Variants in PGGHG observed in about 807,000 individuals in gnomAD.
The protein encoded by PGGHG is protein-glucosylgalactosylhydroxylysine glucosidase, also known as ATH1, acid trehalase-like 1.
In PGGHG, 67 loss-of-function variants were observed where a neutral mutation model predicts 74.5. The observed-to-expected ratio is 0.90, with a 90% CI of 0.74 to 1.10. The LOEUF (loss-of-function observed/expected upper bound fraction) is 1.10, where lower values mean the gene tolerates loss of function less well. PGGHG is among the 50% of genes least tolerant of loss of function. The pLI, the probability that PGGHG is intolerant of heterozygous loss-of-function variation, is 0.00. For missense variants in PGGHG, 1,034 were observed against 981.5 expected (o/e 1.05, Z -0.72); for synonymous variants, 496 against 419.9 (o/e 1.18, Z -2.21).
rs1845828040 is a variant in PGGHG, at chr11:294,668, C to A, written c.2133C>A (p.Asp711Glu). 3 of 1,613,706 alleles carry A rather than the reference C, an allele frequency of 1.9e-6. No individual in the cohort carries two copies. The highest frequency in any genetic ancestry group is 2.5e-6 in the Non-Finnish European group (3 of 1,179,974). Residue 711 changes from aspartate (D) to glutamate (E), a missense_variant, in exon 14 of 14, where the codon GAC (aspartate) becomes GAA (glutamate). Transcript: ENST00000409548. The stretch of plus-strand genomic sequence containing the variant: ...GGAGGACTTTTTCAGATGTTAGGGA[C>A]CCGCTCCAGAGCCCCCTCTGGGTCA... ...FPGRTFSDVR[D>E]PLQSPLWVTL...
chr11:289,960 G>A lies in PGGHG; in HGVS notation c.144G>A (p.Gly48=), dbSNP rs1845665412. 1 of 1,550,408 alleles carries A rather than the reference G, an allele frequency of 6.4e-7. No homozygotes were observed. The highest frequency in any genetic ancestry group is 1.2e-5 in the South Asian group (1 of 84,064). Residue 48 remains glycine, a synonymous_variant, in exon 2 of 14, where the codon GGG becomes GGA. Transcript: ENST00000409548. This position sits in a 1 kb window ranked among gnomAD's most constrained non-coding sequence, Gnocchi z 5.6. The part of the protein sequence containing the change: ...DTLHVSGVYN[G]AGGDTHRAML... ...TGCACGTGAGCGGCGTGTACAATGGGGCTGGCGGGGACACGCACCGGGCCA... is the reference window on the plus strand; with the variant it reads ...TGCACGTGAGCGGCGTGTACAATGGAGCTGGCGGGGACACGCACCGGGCCA...
chr11:294,120 G>C lies in PGGHG; in HGVS notation c.1732G>C (p.Gly578Arg), dbSNP rs146423793. 6.2e-7 allele frequency: 1 copy of C among 1,611,476 alleles called. No individual in the cohort carries two copies. Among genetic ancestry groups the C allele is most frequent in the Admixed American group, 1.7e-5 (1 of 59,692 alleles). The change falls in exon 12 of 14, where the codon GGG becomes CGG. Residue 578 changes from glycine (G) to arginine (R), a missense_variant. Coordinates refer to ENST00000409548, the MANE Select transcript of PGGHG (RefSeq NM_025092.5). Reference sequence around the variant, plus strand: ...GCAGGTGTGGACGGAGAATGCAGACGGGTCAGGCGCTGTGAACTTCCTGAC... The same window carrying C: ...GCAGGTGTGGACGGAGAATGCAGACCGGTCAGGCGCTGTGAACTTCCTGAC... The part of the protein sequence containing the change: ...PFKVWTENAD[G>R]SGAVNFLTGM...
At position 290,438 on chromosome 11, in the gene PGGHG, G is replaced by C. The variant is rs776542685; in HGVS notation, c.308G>C (p.Cys103Ser). ...GGCCCCCGCTTCCGGGCCTCCCAGT[G>C]CATCTATGCGCATCGCACGCTGCCC... ...LEGPRFRASQ[C>S]IYAHRTLPHV... Residue 103 changes from cysteine (C) to serine (S), a missense_variant, in exon 3 of 14, where the codon TGC (cysteine) becomes TCC (serine). Physicochemically the swap from Cys to Ser is moderately radical, Grantham distance 112. Coordinates refer to ENST00000409548, the MANE Select transcript of PGGHG (RefSeq NM_025092.5). The C allele has an allele frequency of 1.6e-4, 250 of 1,548,936 alleles. No individual in the cohort carries two copies. Among genetic ancestry groups the C allele is most frequent in the Admixed American group, 3.5e-4 (18 of 51,008 alleles).
In PGGHG at chr11:294,962, C is replaced by T. The variant is rs1266012294; in HGVS notation, c.*213C>T. Reference sequence around the variant, plus strand: ...GCAGGTGGCTTCCCCGTGGCATCTCCACACCGCCTCTGCCTGCCCCTGTGG... The same window carrying T: ...GCAGGTGGCTTCCCCGTGGCATCTCTACACCGCCTCTGCCTGCCCCTGTGG... On this transcript the variant is annotated 3_prime_UTR_variant, in exon 14 of 14. Coordinates refer to ENST00000409548, the MANE Select transcript of PGGHG (RefSeq NM_025092.5). 1 of 542,608 alleles carries T rather than the reference C, an allele frequency of 1.8e-6. No homozygotes were observed. Among genetic ancestry groups the T allele is most frequent in the Non-Finnish European group, 3.2e-6 (1 of 314,656 alleles). 33.6% of individuals were successfully genotyped at this position (542,608 alleles called of 1,614,324 possible).
rs140256419 is a variant in PGGHG, at chr11:290,901, G to A, written c.694G>A (p.Ala232Thr). The A allele has an allele frequency of 8.4e-5, 135 of 1,611,866 alleles. No homozygotes were observed. In the African/African-American group the frequency reaches 1.1e-3, roughly 13 times the overall value. Reference sequence around the variant, plus strand: ...CAGGGGAGCTCTGTATACGGCTCACGCACAGGCCTGGGCCCAGCTCTGGGT... The same window carrying A: ...CAGGGGAGCTCTGTATACGGCTCACACACAGGCCTGGGCCCAGCTCTGGGT... Reference protein sequence around the residue: ...QARGALYTAHAQAWAQLWVEC... With the variant: ...QARGALYTAHTQAWAQLWVEC... The change falls in exon 4 of 14, where the codon GCA becomes ACA. Residue 232 changes from alanine (A) to threonine (T), a missense_variant. By Grantham distance (58) the Ala-to-Thr change is moderately conservative (BLOSUM62 0). Transcript: ENST00000409548.
chr11:289,912 C>T lies in PGGHG; in HGVS notation c.96C>T (p.Gly32=). The T allele has an allele frequency of 1.3e-6, 2 of 1,551,074 alleles. No individual in the cohort carries two copies. Among genetic ancestry groups the T allele is most frequent in the Non-Finnish European group, 1.7e-6 (2 of 1,146,924 alleles). Residue 32 remains glycine, a synonymous_variant, in exon 2 of 14, where the codon GGC becomes GGT. Transcript: ENST00000409548. The surrounding 1 kb of genome is among the most constrained non-coding windows in gnomAD (Gnocchi z 5.6). Reference sequence around the variant, plus strand: ...CCACTGTGACCAACGCATACCTGGGCACACGAGTGTTTCACGACACGCTGC... The same window carrying T: ...CCACTGTGACCAACGCATACCTGGGTACACGAGTGTTTCACGACACGCTGC... ...LLATVTNAYL[G]TRVFHDTLHV... is the part of the protein sequence containing the mutation.
At chr11:290,219 C>G in intron 2 of PGGHG, 144 bp downstream of exon 2, 1 of 1,373,378 alleles carries the variant, frequency 7.3e-7, no homozygotes, top group Non-Finnish European at 9.6e-7. Flanking sequence ...CCCGCAGGGT[C>G]CCCCCTTCCC....
chr11:290,630 G>A (rs1331375672), intron 3 of PGGHG, 30 bp downstream of exon 3: 1 of 1,601,920 alleles, frequency 6.2e-7, no homozygotes, highest in African/African-American at 1.3e-5. Context: ...TGCAGCCAGG[G>A]AGTCCAGGGA....
In PGGHG at chr11:294,751, C is replaced by G; in HGVS notation, c.*2C>G. 1 of 1,588,980 alleles carries G rather than the reference C, an allele frequency of 6.3e-7. No homozygotes were observed. On this transcript the variant is annotated 3_prime_UTR_variant, in exon 14 of 14. Transcript: ENST00000409548. ...ACTGTGGACCCTGCCTCTGAATAATCAGGAACGGTGGCTTCAGAGACGTCT... is the reference window on the plus strand; with the variant it reads ...ACTGTGGACCCTGCCTCTGAATAATGAGGAACGGTGGCTTCAGAGACGTCT...
chr11:290,437 T>C lies in PGGHG; in HGVS notation c.307T>C (p.Cys103Arg). ...GGGCCCCCGCTTCCGGGCCTCCCAG[T>C]GCATCTATGCGCATCGCACGCTGCC... ...LEGPRFRASQ[C>R]IYAHRTLPHV... The change falls in exon 3 of 14, where the codon TGC (cysteine) becomes CGC (arginine). Residue 103 changes from cysteine to arginine, a missense_variant. Coordinates refer to ENST00000409548, the MANE Select transcript of PGGHG (RefSeq NM_025092.5). 6.5e-7 allele frequency: 1 copy of C among 1,548,962 alleles called. No homozygotes were observed. The highest frequency in any genetic ancestry group is 8.7e-7 in the Non-Finnish European group (1 of 1,146,912).
intron 6 of PGGHG, 90 bp downstream of exon 6, chr11:292,767 C>T: frequency 6.2e-7 from 1 of 1,607,244 alleles, no homozygotes; most frequent in Non-Finnish European, 8.5e-7. Flanking sequence ...TGGGGCTGGT[C>T]CTGGGAAGCT....
Position 290,414 on chromosome 11 carries a change from G to A in PGGHG, c.284G>A (p.Gly95Asp), listed in dbSNP as rs905834969. 56 of 1,546,756 alleles carry A rather than the reference G, an allele frequency of 3.6e-5. No individual in the cohort carries two copies. In the Admixed American group the frequency reaches 1.0e-3, roughly 28 times the overall value. ...GGCTCCTTTCTTCACACCCTGGAGG[G>A]CCCCCGCTTCCGGGCCTCCCAGTGC... is the stretch of plus-strand genomic sequence containing the variant. Reference protein sequence around the residue: ...NTGSFLHTLEGPRFRASQCIY... With the variant: ...NTGSFLHTLEDPRFRASQCIY... The change falls in exon 3 of 14, where the codon GGC (glycine) becomes GAC (aspartate). Residue 95 changes from glycine (G) to aspartate (D), a missense_variant. Transcript: ENST00000409548.
chr11:292,228 GC>G, intron 5 of PGGHG, 133 bp downstream of exon 5: 1 of 1,307,644 alleles, frequency 7.6e-7, no homozygotes, highest in Non-Finnish European at 1.0e-6. Flanking sequence ...CCACCCTGAG[GC>G]TTGTGGGGCC....
At chr11:292,853 G>T in intron 6 of PGGHG, 33 bp from the exon 7 acceptor site, 4 of 1,613,326 alleles carry the variant, frequency 2.5e-6, no homozygotes, top group East Asian at 4.5e-5. Flanking sequence ...AGTGACTGGG[G>T]CCCTGGCCTC....
rs1055049028 is a variant in PGGHG, at chr11:294,633, G to A, written c.2098G>A (p.Glu700Lys). 6 of 1,522,588 alleles carry A rather than the reference G, an allele frequency of 3.9e-6. No homozygotes were observed. The highest frequency in any genetic ancestry group is 1.5e-5 in the African/African-American group (1 of 64,948). The allele number at this position is 1,522,588 out of a possible 1,614,324, so 94.3% of individuals were successfully genotyped here. ...PPKLPGSSSS[E>K]FPGRTFSDVR... ...GAAGCTGCCTGGAAGTTCCAGCTCCGAGTTCCCTGGGAGGACTTTTTCAGA... is the reference window on the plus strand; with the variant it reads ...GAAGCTGCCTGGAAGTTCCAGCTCCAAGTTCCCTGGGAGGACTTTTTCAGA... The change falls in exon 14 of 14, where the codon GAG becomes AAG. Residue 700 changes from glutamate (E) to lysine (K), a missense_variant. Physicochemically the swap from Glu to Lys is moderately conservative, Grantham distance 56 (BLOSUM62 1). Coordinates refer to ENST00000409548, the MANE Select transcript of PGGHG (RefSeq NM_025092.5).
At position 294,376 on chromosome 11, in the gene PGGHG, G is replaced by T. The variant is rs139322535; in HGVS notation, c.1918G>T (p.Glu640Ter). 1 of 1,613,016 alleles carries T rather than the reference G, an allele frequency of 6.2e-7. No homozygotes were observed. Among genetic ancestry groups the T allele is most frequent in the South Asian group, 1.1e-5 (1 of 91,070 alleles). ...GAACAAGCTCAACTTCTCTTTTTCC[G>T]AGGACTCCGTGACCGTGGAGGTCAC... ...QGNKLNFSFS[E>*]DSVTVEVTAR... The change falls in exon 13 of 14, where the codon GAG becomes TAG. Residue 640 changes from glutamate to a stop codon, truncating the protein, a stop_gained. Transcript: ENST00000409548. LOFTEE classifies it high-confidence loss of function.
In PGGHG at chr11:294,600, T is replaced by A; in HGVS notation, c.2065T>A (p.Ser689Thr). Residue 689 changes from serine to threonine, a missense_variant, in exon 14 of 14, where the codon TCA (serine) becomes ACA (threonine). Physicochemically the swap from Ser to Thr is moderately conservative, Grantham distance 58 (BLOSUM62 1). Coordinates refer to ENST00000409548, the MANE Select transcript of PGGHG (RefSeq NM_025092.5). The stretch of plus-strand genomic sequence containing the variant: ...CCGCTCGGCTGGCCGGATACAAATG[T>A]CACCCCCGAAGCTGCCTGGAAGTTC... ...FPRSAGRIQM[S>T]PPKLPGSSSS... is the part of the protein sequence containing the mutation. 1 of 1,424,910 alleles carries A rather than the reference T, an allele frequency of 7.0e-7. No individual in the cohort carries two copies. 88.3% of individuals were successfully genotyped at this position (1,424,910 alleles called of 1,614,324 possible).
chr11:290,943 G>C lies in PGGHG; in HGVS notation c.736G>C (p.Val246Leu). ...GCTCTGGGTAGAATGTGGCTTGGACGTGGTGGGGCCCCTGCAGCTGCGCCA... is the reference window on the plus strand; with the variant it reads ...GCTCTGGGTAGAATGTGGCTTGGACCTGGTGGGGCCCCTGCAGCTGCGCCA... ...AQLWVECGLD[V>L]VGPLQLRQAL... The change falls in exon 4 of 14, where the codon GTG becomes CTG. Residue 246 changes from valine (V) to leucine (L), a missense_variant. Transcript: ENST00000409548. The C allele has an allele frequency of 6.2e-7, 1 of 1,612,384 alleles. No individual in the cohort carries two copies. The highest frequency in any genetic ancestry group is 8.5e-7 in the Non-Finnish European group (1 of 1,179,694).
In PGGHG at chr11:293,713, C is replaced by G; in HGVS notation, c.1600C>G (p.Pro534Ala). Residue 534 changes from proline (P) to alanine (A), a missense_variant, in exon 10 of 14, where the codon CCC (proline) becomes GCC (alanine). By Grantham distance (27) the Pro-to-Ala change is conservative. Transcript: ENST00000409548. ...CGAGGCTGTGACGTCCCCCCAGGGC[C>G]CCGCCATGACCTGGGTGAGCACCCT... ...IYEAVTSPQGPAMTWSMFAVG... is the reference protein window; with the variant it reads ...IYEAVTSPQGAAMTWSMFAVG... The G allele has an allele frequency of 6.2e-7, 1 of 1,613,284 alleles. No homozygotes were observed. Among genetic ancestry groups the G allele is most frequent in the Non-Finnish European group, 8.5e-7 (1 of 1,179,976 alleles).
Sources: gnomAD v4.1 joint callset for allele counts on GRCh38, gnomAD v4.1.1 for gene constraint, Gnocchi (gnomAD v3.1) non-coding constraint, MANE v1.5 for transcripts, NCBI Gene and HGNC (gene_info 2026-07-23, HGNC 2026-07-21) for gene names.